The following SYCP2L variants were observed in gnomAD, a reference collection of about 807,000 sequenced individuals.
SYCP2L encodes synaptonemal complex protein 2 like.
Under a neutral mutation model 125.8 loss-of-function variants are expected in SYCP2L, and 98 were observed. The ratio of observed to expected loss-of-function variants is 0.78; its 90% CI spans 0.66 to 0.92. SYCP2L has a LOEUF of 0.92. SYCP2L is among the 40% of genes least tolerant of loss of function. The pLI, the probability that SYCP2L is intolerant of heterozygous loss-of-function variation, is 0.00. For missense variants in SYCP2L, 842 were observed against 936.4 expected, an observed-to-expected ratio of 0.90 and a Z score of 1.32; for synonymous variants, 317 against 325.4, an observed-to-expected ratio of 0.97 and a Z score of 0.28.
rs1434677080 is a variant in SYCP2L, at chr6:10,907,483, AT to A, written c.677-53del. ...AGAGCAAGTGCTAAATCTGGAACTC[AT>A]TTTTTCTTTTGCTTTGTGCCCAGAA... On this transcript the variant is annotated intron_variant, in intron 9 of 29. Coordinates refer to ENST00000283141, the MANE Select transcript of SYCP2L (RefSeq NM_001040274.3). 7.9e-6 allele frequency: 12 copies of A among 1,520,474 alleles called. No homozygotes were observed. The African/African-American group carries it at 1.3e-4, about 16-fold the overall frequency. 94.2% of individuals were successfully genotyped at this position (1,520,474 alleles called of 1,614,324 possible).
At chr6:10,946,792 T>C (rs1403486580) in intron 23 of SYCP2L, among the ~76,000 whole-genome samples, 23 of 152,092 alleles carry the variant, frequency 1.5e-4, no homozygotes, top group Non-Finnish European at 8.8e-5. Context: ...GTTCCACTTA[T>C]TAAAATTTGT....
At chr6:10,945,049 A>C (rs1224871682) in intron 23 of SYCP2L, among the ~76,000 whole-genome samples, 1 of 152,100 alleles carries the variant, frequency 6.6e-6, no homozygotes, top group Non-Finnish European at 1.5e-5. Flanking sequence ...TCATTGATCC[A>C]AATGTTGGTT....
intron 26 of SYCP2L, among the ~76,000 whole-genome samples, chr6:10,959,908 TACAC>T (rs1167538551): frequency 2.0e-5 from 3 of 149,776 alleles, no homozygotes; most frequent in Middle Eastern, 3.3e-3. Flanking sequence ...GAAAACACCA[TACAC>T]ACACAGTGCA....
chr6:10,887,088 C>G lies in SYCP2L; in HGVS notation c.-39C>G. 1 of 1,613,982 alleles carries G rather than the reference C, an allele frequency of 6.2e-7. No individual in the cohort carries two copies. Among genetic ancestry groups the G allele is most frequent in the East Asian group, 2.2e-5 (1 of 44,872 alleles). Reference sequence around the variant, plus strand: ...AGAGGGCCGACCGAGCGCAACAAAGCTGAGCGGCGCGTCGCTTCAGGAACG... The same window carrying G: ...AGAGGGCCGACCGAGCGCAACAAAGGTGAGCGGCGCGTCGCTTCAGGAACG... On this transcript the variant is annotated 5_prime_UTR_variant, in exon 1 of 30. Coordinates refer to ENST00000283141, the MANE Select transcript of SYCP2L (RefSeq NM_001040274.3).
chr6:10,965,190 A>G (rs1367434944), intron 29 of SYCP2L, among the ~76,000 whole-genome samples: 3 of 152,184 alleles, frequency 2.0e-5, no homozygotes, highest in Non-Finnish European at 2.9e-5. Flanking sequence ...GGAGAGTCCA[A>G]CCAGAAGGCG....
chr6:10,959,870 A>C (rs1192833709), intron 26 of SYCP2L, among the ~76,000 whole-genome samples: 2 of 38,054 alleles, frequency 5.3e-5, no homozygotes, highest in African/African-American at 1.5e-4. Flanking sequence ...ACTCTGTCTC[A>C]AAAAAAAAAA....
chr6:10,966,898 A>T (rs1290565478), intron 29 of SYCP2L, among the ~76,000 whole-genome samples: 3 of 152,204 alleles, frequency 2.0e-5, no homozygotes, highest in Non-Finnish European at 4.4e-5. Flanking sequence ...AGGCCTTAAA[A>T]AGCATAAGAA....
intron 29 of SYCP2L, among the ~76,000 whole-genome samples, chr6:10,965,657 G>A (rs1406070278): frequency 2.0e-5 from 3 of 152,146 alleles, no homozygotes; most frequent in African/African-American, 7.2e-5. Flanking sequence ...ACATTACAGA[G>A]GAATTCTACT....
At chr6:10,923,688 T>C (rs867005126) in intron 14 of SYCP2L, among the ~76,000 whole-genome samples, 2 of 134,146 alleles carry the variant, frequency 1.5e-5, no homozygotes, top group Admixed American at 7.5e-5. Flanking sequence ...TTTTTCTTTT[T>C]TTTTTTTTTT....
intron 28 of SYCP2L, among the ~76,000 whole-genome samples, chr6:10,962,766 T>C (rs920406749): frequency 2.6e-5 from 4 of 152,246 alleles, no homozygotes; most frequent in African/African-American, 9.6e-5. Flanking sequence ...CAAATCTCTT[T>C]ACTGTCTGGC....
In SYCP2L at chr6:10,935,190, A is replaced by T; in HGVS notation, c.1813+3A>T. ...TGAAGATTCTGCCCAGAAAACAGGTACATGATTTTCTGTTGACTTACATAG... is the reference window on the plus strand; with the variant it reads ...TGAAGATTCTGCCCAGAAAACAGGTTCATGATTTTCTGTTGACTTACATAG... On this transcript the variant is annotated splice_donor_region_variant and intron_variant, in intron 21 of 29. Coordinates refer to ENST00000283141, the MANE Select transcript of SYCP2L (RefSeq NM_001040274.3). The T allele has an allele frequency of 6.2e-7, 1 of 1,610,308 alleles. No homozygotes were observed. Among genetic ancestry groups the T allele is most frequent in the Non-Finnish European group, 8.5e-7 (1 of 1,179,064 alleles).
rs752290323 is a variant in SYCP2L at position 10,912,544 on chromosome 6, A to G, written c.919-129A>G. ...TTTGCACAAAAGAGTCAGTCAATAG[A>G]GGCCCTATAATGCTAGGATAATGCT... On this transcript the variant is annotated intron_variant, in intron 12 of 29. Coordinates refer to ENST00000283141, the MANE Select transcript of SYCP2L (RefSeq NM_001040274.3). This position sits in a 1 kb window ranked among gnomAD's most constrained non-coding sequence, Gnocchi z 4.1. 3.1e-5 allele frequency: 20 copies of G among 641,952 alleles called. No individual in the cohort carries two copies. Among genetic ancestry groups the G allele is most frequent in the Non-Finnish European group, 5.3e-5 (20 of 377,018 alleles). The allele number at this position is 641,952 out of a possible 1,614,324, so 39.8% of individuals were successfully genotyped here. A position where few individuals can be genotyped will look rare whatever the true frequency, so the allele number is the denominator to read the frequency against.
intron 23 of SYCP2L, among the ~76,000 whole-genome samples, chr6:10,945,914 A>G (rs1781307924): frequency 6.6e-6 from 1 of 152,122 alleles, no homozygotes; most frequent in African/African-American, 2.4e-5. Flanking sequence ...TTTGTCTTGA[A>G]GTCTGTTTAT....
intron 25 of SYCP2L, among the ~76,000 whole-genome samples, chr6:10,957,554 G>T (rs1227262452): frequency 2.0e-5 from 3 of 152,166 alleles, no homozygotes; most frequent in African/African-American, 7.2e-5. Context: ...ATTCATGCCT[G>T]TGGATCCCAG....
At chr6:10,927,831 G>C (rs148602330) in intron 17 of SYCP2L, among the ~76,000 whole-genome samples, 12 of 151,110 alleles carry the variant, frequency 7.9e-5, no homozygotes, top group Non-Finnish European at 1.8e-4. Context: ...CTACAGTCTC[G>C]ACCATAGAAG....
chr6:10,968,908 G>T (rs4713103), intron 29 of SYCP2L, among the ~76,000 whole-genome samples: 83,977 of 152,016 alleles, frequency 0.55, 24,176 homozygotes, highest in East Asian at 0.91. Flanking sequence ...GCTGATGGTG[G>T]TACCACTTCG....
chr6:10,960,267 A>G (rs1268781393), intron 26 of SYCP2L, among the ~76,000 whole-genome samples: 5 of 152,104 alleles, frequency 3.3e-5, no homozygotes, highest in African/African-American at 4.8e-5. Context: ...AATTTTTACT[A>G]TTTTTCAAAG....
intron 29 of SYCP2L, among the ~76,000 whole-genome samples, chr6:10,971,902 C>G (rs1257617689): frequency 6.6e-6 from 1 of 152,146 alleles, no homozygotes; most frequent in Non-Finnish European, 1.5e-5. Context: ...TCTTGAACTA[C>G]TCACTTCAGG....
At chr6:10,941,303 G>C (rs1185298668) in intron 21 of SYCP2L, among the ~76,000 whole-genome samples, 3 of 152,120 alleles carry the variant, frequency 2.0e-5, no homozygotes, top group Non-Finnish European at 4.4e-5. Context: ...TTGACAAATG[G>C]GATCTAATTA....
Sources: allele counts gnomAD v4.1 joint callset (sites outside exome capture counted in the v4.1 genomes callset), GRCh38; gene constraint gnomAD v4.1.1; non-coding constraint Gnocchi (gnomAD v3.1); transcripts MANE v1.5; gene names NCBI Gene and HGNC (gene_info 2026-07-23, HGNC 2026-07-21).